Variants in KRT82 observed in about 807,000 individuals in gnomAD.
KRT82 encodes the protein keratin 82, also known as keratin, type II cuticular Hb2.
In KRT82, 44 loss-of-function variants were observed where a neutral mutation model predicts 48.0. That is an observed-to-expected ratio of 0.92 (90% CI 0.72 to 1.18). KRT82 has a LOEUF of 1.18. Ranked by LOEUF, KRT82 falls within the 50% of genes most tolerant of loss-of-function variation. The probability of loss-of-function intolerance (pLI) is 0.00; values close to 1 mark genes in which losing one functional copy is unlikely to be tolerated. For missense variants in KRT82, 701 were observed against 671.4 expected, an observed-to-expected ratio of 1.04 and a Z score of -0.49; for synonymous variants, 297 against 278.3, an observed-to-expected ratio of 1.07 and a Z score of -0.67.
intron 2 of KRT82, among the ~76,000 whole-genome samples, chr12:52,402,789 C>T (rs987240745): frequency 2.6e-5 from 4 of 152,192 alleles, no homozygotes; most frequent in African/African-American, 4.8e-5. Flanking sequence ...CAGTGAGTGT[C>T]CCCAACACGG....
Position 52,393,933 on chromosome 12 carries a change from C to T in KRT82, c.*1042G>A, listed in dbSNP as rs1304875214. On this transcript the variant is annotated 3_prime_UTR_variant, in exon 9 of 9. Coordinates refer to ENST00000257974, the MANE Select transcript of KRT82 (RefSeq NM_033033.4). The stretch of plus-strand genomic sequence containing the variant: ...TTTCCACAGAGCAGAGTAAATAATC[C>T]TGATTGCTATAATCCATGAACAGAG... 6.6e-6 allele frequency: 1 copy of T among 152,194 alleles called. No homozygotes were observed. The highest frequency in any genetic ancestry group is 1.5e-5 in the Non-Finnish European group (1 of 68,042). 9.4% of individuals were successfully genotyped at this position (152,194 alleles called of 1,614,324 possible).
chr12:52,394,752 G>A lies in KRT82; in HGVS notation c.*223C>T, dbSNP rs1939686416. The stretch of plus-strand genomic sequence containing the variant: ...TCTCTGCCGTCTGTCCCCACCATCT[G>A]GGCCTAGCTGAGGGTCTGCACACAG... On this transcript the variant is annotated 3_prime_UTR_variant, in exon 9 of 9. Transcript: ENST00000257974. The A allele has an allele frequency of 3.4e-6, 2 of 592,070 alleles. No homozygotes were observed. The highest frequency in any genetic ancestry group is 6.0e-6 in the Non-Finnish European group (2 of 331,150). 36.7% of individuals were successfully genotyped at this position (592,070 alleles called of 1,614,324 possible).
Position 52,396,928 on chromosome 12 carries a change from T to C in KRT82, c.1023A>G (p.Lys341=), listed in dbSNP as rs1282037708. Residue 341 remains lysine, a synonymous_variant, in exon 6 of 9, where the codon AAA becomes AAG. Transcript: ENST00000257974. ...TTTCTTGCTGCAGCCGCTGGATCAG[T>C]TTATTCATTTCCAGGATCTCGTTCT... is the stretch of plus-strand genomic sequence containing the variant. The part of the protein sequence containing the change: ...NRKNEILEMN[K]LIQRLQQETE... 3 of 1,613,936 alleles carry C rather than the reference T, an allele frequency of 1.9e-6. No individual in the cohort carries two copies. The highest frequency in any genetic ancestry group is 2.2e-5 in the South Asian group (2 of 91,070).
rs778393451 is a variant in KRT82, at chr12:52,395,783, C to T, written c.1297G>A (p.Glu433Lys). 2.1e-5 allele frequency: 32 copies of T among 1,552,810 alleles called. No individual in the cohort carries two copies. The highest frequency in any genetic ancestry group is 2.5e-5 in the Non-Finnish European group (29 of 1,153,590). Reference protein sequence around the residue: ...LLEGEEHRLCEGIGPVNISVS... With the variant: ...LLEGEEHRLCKGIGPVNISVS... Reference sequence around the variant, plus strand: ...CAGATATTCACGGGCCCGATGCCTTCGCACAGCCTGGGGATGAGAGGAAAA... The same window carrying T: ...CAGATATTCACGGGCCCGATGCCTTTGCACAGCCTGGGGATGAGAGGAAAA... The change falls in exon 8 of 9, where the codon GAA becomes AAA. Residue 433 changes from glutamate to lysine, a missense_variant. By Grantham distance (56) the Glu-to-Lys change is moderately conservative. Coordinates refer to ENST00000257974, the MANE Select transcript of KRT82 (RefSeq NM_033033.4).
intron 5 of KRT82, 46 bp downstream of exon 5, chr12:52,399,939 G>A: frequency 6.3e-7 from 1 of 1,591,544 alleles, no homozygotes; most frequent in East Asian, 2.3e-5. Context: ...CCCTCCCCTG[G>A]TTTGTCACCT....
chr12:52,395,933 T>A lies in KRT82; in HGVS notation c.1289+79A>T, dbSNP rs1174263404. On this transcript the variant is annotated intron_variant, in intron 7 of 8. Transcript: ENST00000257974. ...TGTGGGTAGGGGACGGGGTGAGAGA[T>A]ACTAGCAGCCGCCACCAGAGGGCTG... The A allele has an allele frequency of 2.5e-6, 4 of 1,583,620 alleles. No homozygotes were observed. The African/African-American group carries it at 5.4e-5, about 21-fold the overall frequency.
intron 2 of KRT82, among the ~76,000 whole-genome samples, chr12:52,403,357 C>T (rs1230094263): frequency 2.0e-5 from 3 of 152,176 alleles, no homozygotes; most frequent in Admixed American, 1.3e-4. Context: ...GGGGATCTGT[C>T]TGTGGAATAG....
intron 1 of KRT82, among the ~76,000 whole-genome samples, chr12:52,405,495 A>G (rs1382596503): frequency 1.3e-5 from 2 of 152,348 alleles, no homozygotes; most frequent in Admixed American, 1.3e-4. Context: ...TCAGGCACAC[A>G]GAAGGCGGTT....
In KRT82 at chr12:52,395,976, G is replaced by A. The variant is rs766826108; in HGVS notation, c.1289+36C>T. The A allele has an allele frequency of 2.5e-6, 4 of 1,612,944 alleles. No homozygotes were observed. In the African/African-American group the frequency reaches 5.3e-5, roughly 22 times the overall value. On this transcript the variant is annotated intron_variant, in intron 7 of 8. Coordinates refer to ENST00000257974, the MANE Select transcript of KRT82 (RefSeq NM_033033.4). ...GAGGGCTGGGTAATGGCCATACCTG[G>A]TAGCCCATCTTTGACCCCCTCCTGG...
chr12:52,397,038 G>A (rs748758803), intron 5 of KRT82, 30 bp from the exon 6 acceptor site: 2 of 1,610,496 alleles, frequency 1.2e-6, no homozygotes, highest in South Asian at 1.1e-5. Context: ...AGAGCCCCAG[G>A]CCCCACAAGA....
At position 52,394,884 on chromosome 12, in the gene KRT82, T is replaced by G; in HGVS notation, c.*91A>C. 1.8e-6 allele frequency: 2 copies of G among 1,124,896 alleles called. No individual in the cohort carries two copies. The highest frequency in any genetic ancestry group is 1.3e-6 in the Non-Finnish European group (1 of 751,730). The allele number at this position is 1,124,896 out of a possible 1,614,324, so 69.7% of individuals were successfully genotyped here. A position where few individuals can be genotyped will look rare whatever the true frequency, so the allele number is the denominator to read the frequency against. On this transcript the variant is annotated 3_prime_UTR_variant, in exon 9 of 9. Coordinates refer to ENST00000257974, the MANE Select transcript of KRT82 (RefSeq NM_033033.4). ...GTGGAGTCAATAAAGGGAGGTGGGG[T>G]TTTGGAACATCCTTGTCTTCAGCCC...
rs780831520 is a variant in KRT82, at chr12:52,395,078, A to C, written c.1439T>G (p.Leu480Arg). The change falls in exon 9 of 9, where the codon CTC becomes CGC. Residue 480 changes from leucine (L) to arginine (R), a missense_variant. By Grantham distance (102) the Leu-to-Arg change is moderately radical. Coordinates refer to ENST00000257974, the MANE Select transcript of KRT82 (RefSeq NM_033033.4). ...GGCSIVGTGE[L>R]YVPCEPQGLL... ...CCCCTGGGGCTCGCAGGGGACATAG[A>C]GTTCACCAGTGCCCACGATGCTGCA... The C allele has an allele frequency of 1.2e-5, 20 of 1,613,864 alleles. No homozygotes were observed. The highest frequency in any genetic ancestry group is 9.3e-6 in the Non-Finnish European group (11 of 1,179,994).
At chr12:52,400,413 C>T (rs546255366) in intron 4 of KRT82, 114 bp downstream of exon 4, 12 of 834,026 alleles carry the variant, frequency 1.4e-5, no homozygotes, top group Middle Eastern at 2.2e-4. Context: ...CTCTACAGTG[C>T]GGACCTCTTT....
chr12:52,402,347 T>C (rs1939800966), intron 2 of KRT82: 2 of 152,296 alleles, frequency 1.3e-5, no homozygotes, highest in Non-Finnish European at 2.9e-5. Flanking sequence ...ATCCTGTCTC[T>C]TAATCTCACC....
chr12:52,395,768 C>A lies in KRT82; in HGVS notation c.1312G>T (p.Val438Leu). The A allele has an allele frequency of 1.3e-6, 2 of 1,553,938 alleles. No homozygotes were observed. The highest frequency in any genetic ancestry group is 1.2e-5 in the South Asian group (1 of 80,448). Residue 438 changes from valine (V) to leucine (L), a missense_variant, in exon 8 of 9, where the codon GTG (valine) becomes TTG (leucine). Physicochemically the swap from Val to Leu is conservative, Grantham distance 32. Transcript: ENST00000257974. ...TGGCTCATCTACTTACAGATATTCACGGGCCCGATGCCTTCGCACAGCCTG... is the reference window on the plus strand; with the variant it reads ...TGGCTCATCTACTTACAGATATTCAAGGGCCCGATGCCTTCGCACAGCCTG... ...EHRLCEGIGP[V>L]NISVSSSKGA...
At chr12:52,397,980 G>T (rs997306177) in intron 5 of KRT82, among the ~76,000 whole-genome samples, 10 of 152,324 alleles carry the variant, frequency 6.6e-5, no homozygotes, top group Non-Finnish European at 1.3e-4. Context: ...CTGGGAGGCA[G>T]AGGTTGCAGT....
intron 5 of KRT82, among the ~76,000 whole-genome samples, 166 bp downstream of exon 5, chr12:52,399,819 T>C (rs549292462): frequency 1.2e-4 from 18 of 152,304 alleles, no homozygotes; most frequent in Admixed American, 3.9e-4. Flanking sequence ...GCCTGGGGCC[T>C]GGCAGAAACA....
intron 5 of KRT82, among the ~76,000 whole-genome samples, chr12:52,398,707 A>G (rs1939747493): frequency 6.6e-6 from 1 of 152,100 alleles, no homozygotes; most frequent in Admixed American, 6.5e-5. Context: ...AGCTGACTCC[A>G]TTTCAAGTTT....
rs753324030 is a variant in KRT82 at position 52,394,946 on chromosome 12, G to T, written c.*29C>A. 3 of 1,582,198 alleles carry T rather than the reference G, an allele frequency of 1.9e-6. No individual in the cohort carries two copies. Among genetic ancestry groups the T allele is most frequent in the Non-Finnish European group, 2.6e-6 (3 of 1,151,386 alleles). ...TGACATCCAGGGCCATGGGGCAGGGGCTCTGTCTCCTGGATGTCTCGGATC... is the reference window on the plus strand; with the variant it reads ...TGACATCCAGGGCCATGGGGCAGGGTCTCTGTCTCCTGGATGTCTCGGATC... On this transcript the variant is annotated 3_prime_UTR_variant, in exon 9 of 9. Coordinates refer to ENST00000257974, the MANE Select transcript of KRT82 (RefSeq NM_033033.4).
Sources: gnomAD v4.1 joint callset for allele counts (sites outside exome capture counted in the v4.1 genomes callset) on GRCh38, gnomAD v4.1.1 for gene constraint, MANE v1.5 for transcripts, NCBI Gene and HGNC (gene_info 2026-07-23, HGNC 2026-07-21) for gene names.